The following PARD3B variants were observed in gnomAD, a reference collection of about 807,000 sequenced individuals.
PARD3B encodes the protein par-3 family cell polarity regulator beta.
A neutral mutation model predicts 130.2 loss-of-function variants in PARD3B; 103 were observed. That is an observed-to-expected ratio of 0.79 (90% CI 0.67 to 0.93). The LOEUF (loss-of-function observed/expected upper bound fraction) is 0.93. Ranked by LOEUF, PARD3B falls within the 40% of genes least tolerant of loss-of-function variation. PARD3B has a pLI of 0.00. For synonymous variants in PARD3B, 583 were observed against 553.2 expected, an observed-to-expected ratio of 1.05 and a Z score of -0.76; for missense variants, 1,609 against 1,499.2, an observed-to-expected ratio of 1.07 and a Z score of -1.21.
intron 15 of PARD3B, among the ~76,000 whole-genome samples, chr2:205,243,588 CA>C (rs2039449374): frequency 6.6e-6 from 1 of 152,116 alleles, no homozygotes; most frequent in South Asian, 2.1e-4. Flanking sequence ...GCTTGGTCAC[CA>C]CAGAAAGATA....
chr2:204,899,142 C>A (rs1350172464), intron 2 of PARD3B, among the ~76,000 whole-genome samples: 1 of 151,544 alleles, frequency 6.6e-6, no homozygotes, highest in African/African-American at 2.4e-5. Flanking sequence ...CTTAATCTTG[C>A]CATTTTGTTA....
intron 2 of PARD3B, among the ~76,000 whole-genome samples, chr2:204,691,184 T>A (rs914635800): frequency 7.9e-5 from 12 of 152,114 alleles, no homozygotes; most frequent in African/African-American, 2.9e-4. Flanking sequence ...TTTAAAATGA[T>A]TATTTTCTTT....
At position 204,799,647 on chromosome 2, in the gene PARD3B, G is replaced by T. The variant is rs1358436869; in HGVS notation, c.222+113365G>T. Among the ~76,000 whole-genome samples the T allele has an allele frequency of 2.6e-5, 4 of 152,156 alleles. No homozygotes were observed. Among genetic ancestry groups the T allele is most frequent in the Non-Finnish European group, 5.9e-5 (4 of 68,026 alleles). ...GGTGTGCTCATGTTATCCCTCTCCAGCTCCAGGCAGCTCAGCACAGAGAAA... is the reference window on the plus strand; with the variant it reads ...GGTGTGCTCATGTTATCCCTCTCCATCTCCAGGCAGCTCAGCACAGAGAAA... On this transcript the variant is annotated intron_variant, in intron 2 of 22. Transcript: ENST00000406610. This position sits in a 1 kb window ranked among gnomAD's most constrained non-coding sequence, Gnocchi z 4.1.
At chr2:205,117,343 C>T (rs2029941421) in intron 6 of PARD3B, among the ~76,000 whole-genome samples, 1 of 152,210 alleles carries the variant, frequency 6.6e-6, no homozygotes, top group Non-Finnish European at 1.5e-5. Context: ...GACCCTGAGC[C>T]TTCCCTGCAG....
chr2:204,608,582 C>T (rs1283111901), intron 1 of PARD3B, among the ~76,000 whole-genome samples: 1 of 152,150 alleles, frequency 6.6e-6, no homozygotes, highest in Non-Finnish European at 1.5e-5. Context: ...AGCATAAACT[C>T]TTTATTAGCA....
intron 18 of PARD3B, among the ~76,000 whole-genome samples, chr2:205,383,109 T>G (rs867984870): frequency 6.9e-5 from 10 of 144,874 alleles, no homozygotes; most frequent in South Asian, 2.3e-4. Context: ...GATAGATAGA[T>G]AGATAGATAG....
At chr2:205,190,634 T>C (rs62172733) in intron 14 of PARD3B, among the ~76,000 whole-genome samples, 43,037 of 151,860 alleles carry the variant, frequency 0.28, 7,122 homozygotes, top group African/African-American at 0.47. Flanking sequence ...GACCTGGCAA[T>C]GCCAACTCTC....
chr2:204,657,169 A>G (rs1402406398), intron 1 of PARD3B, among the ~76,000 whole-genome samples: 1 of 152,222 alleles, frequency 6.6e-6, no homozygotes, highest in African/African-American at 2.4e-5. Context: ...GAGGAGAAAG[A>G]GAGGAAACTA....
At chr2:205,400,925 C>A (rs901898734) in intron 18 of PARD3B, 88 bp from the exon 19 acceptor site, 1 of 893,766 alleles carries the variant, frequency 1.1e-6, no homozygotes, top group Non-Finnish European at 1.8e-6. Context: ...AGAAGTATGA[C>A]TTAATGAGCT....
At chr2:205,451,340 A>C (rs2048096571) in intron 20 of PARD3B, among the ~76,000 whole-genome samples, 1 of 151,572 alleles carries the variant, frequency 6.6e-6, no homozygotes, top group South Asian at 2.1e-4. Context: ...AATGTATTAA[A>C]AGATTTACTC....
At chr2:205,017,792 C>T (rs978708020) in intron 3 of PARD3B, among the ~76,000 whole-genome samples, 5 of 152,130 alleles carry the variant, frequency 3.3e-5, no homozygotes, top group African/African-American at 1.2e-4. Flanking sequence ...CAAATCCTGG[C>T]CTTGTCACTG....
At chr2:205,381,760 G>A (rs77455936) in intron 18 of PARD3B, among the ~76,000 whole-genome samples, 27,400 of 151,780 alleles carry the variant, frequency 0.18, 3,105 homozygotes, top group Non-Finnish European at 0.26. Context: ...TCAGAAACAT[G>A]TAGACAATGT....
At chr2:205,168,320 A>AGAGAGAGCGAGT (rs371904121) in intron 11 of PARD3B, among the ~76,000 whole-genome samples, 1 of 119,694 alleles carries the variant, frequency 8.4e-6, no homozygotes, top group African/African-American at 3.4e-5. Flanking sequence ...AGAGAGAGAG[A>AGAGAGAGCGAGT]GTGTGTGTGT....
chr2:205,063,649 C>A (rs1032019861), intron 4 of PARD3B, among the ~76,000 whole-genome samples: 3 of 152,080 alleles, frequency 2.0e-5, no homozygotes, highest in African/African-American at 7.2e-5. Flanking sequence ...TCTTAACACC[C>A]CCATGAGGTG....
intron 10 of PARD3B, among the ~76,000 whole-genome samples, chr2:205,155,213 C>T (rs1441540995): frequency 6.6e-6 from 1 of 152,152 alleles, no homozygotes; most frequent in Non-Finnish European, 1.5e-5. Flanking sequence ...AATTCAGCCC[C>T]TTTTAGGAGG....
At chr2:205,255,384 G>A (rs1412136476) in intron 16 of PARD3B, among the ~76,000 whole-genome samples, 1 of 152,012 alleles carries the variant, frequency 6.6e-6, no homozygotes. Flanking sequence ...CTTCAATTCT[G>A]GTCACCAAAA....
At chr2:204,656,385 CAA>C (rs1405507302) in intron 1 of PARD3B, among the ~76,000 whole-genome samples, 7 of 152,038 alleles carry the variant, frequency 4.6e-5, no homozygotes, top group African/African-American at 1.4e-4. Context: ...AACAAACAAA[CAA>C]ACATGTATGG....
At chr2:205,478,380 A>G (rs964283987) in intron 20 of PARD3B, among the ~76,000 whole-genome samples, 8 of 152,286 alleles carry the variant, frequency 5.3e-5, no homozygotes, top group African/African-American at 1.9e-4. Flanking sequence ...AGGTTGTTGA[A>G]TTTTAAATTA....
intron 18 of PARD3B, among the ~76,000 whole-genome samples, chr2:205,398,307 A>G (rs1448561756): frequency 7.4e-6 from 1 of 135,460 alleles, no homozygotes; most frequent in Non-Finnish European, 1.5e-5. Context: ...GTCTCAACAA[A>G]AAAAGAAAGA....
Sources: allele counts gnomAD v4.1 joint callset (sites outside exome capture counted in the v4.1 genomes callset), GRCh38; gene constraint gnomAD v4.1.1; non-coding constraint Gnocchi (gnomAD v3.1); transcripts MANE v1.5; gene names NCBI Gene and HGNC (gene_info 2026-07-23, HGNC 2026-07-21).